The following TYR variants were observed in gnomAD, a reference collection of about 807,000 sequenced individuals.
TYR encodes the protein tyrosinase.
Under a neutral mutation model 51.5 loss-of-function variants are expected in TYR, and 58 were observed. The ratio of observed to expected loss-of-function variants is 1.13; its 90% CI spans 0.91 to 1.40. The LOEUF (loss-of-function observed/expected upper bound fraction) is 1.40, where lower values mean the gene tolerates loss of function less well. Among genes scored for constraint, TYR ranks in the 40% most tolerant of loss-of-function variants. TYR has a pLI of 0.00. For synonymous variants in TYR, 263 were observed against 235.2 expected, an observed-to-expected ratio of 1.12 and a Z score of -1.08; for missense variants, 732 against 647.4, an observed-to-expected ratio of 1.13 and a Z score of -1.42.
intron 3 of TYR, among the ~76,000 whole-genome samples, chr11:89,254,739 G>A (rs1362329699): frequency 6.6e-6 from 1 of 151,686 alleles, no homozygotes; most frequent in African/African-American, 2.4e-5. Context: ...CCTTGCTAAT[G>A]CTCTATCAAT....
intron 4 of TYR, among the ~76,000 whole-genome samples, chr11:89,291,069 T>G (rs918819731): frequency 1.3e-5 from 2 of 152,010 alleles, no homozygotes; most frequent in African/African-American, 2.4e-5. Context: ...AATATGTAGT[T>G]GATTGTGAGA....
chr11:89,224,479 A>C (rs948016476), intron 2 of TYR, among the ~76,000 whole-genome samples: 1 of 152,194 alleles, frequency 6.6e-6, no homozygotes, highest in Admixed American at 6.6e-5. Flanking sequence ...CAGTATCTTC[A>C]AAGTGGCATA....
intron 1 of TYR, among the ~76,000 whole-genome samples, chr11:89,184,846 G>T (rs146384290): frequency 1.3e-5 from 2 of 152,212 alleles, no homozygotes; most frequent in East Asian, 3.9e-4. Flanking sequence ...AAATTCTTAA[G>T]TTATGTCTTA....
intron 2 of TYR, among the ~76,000 whole-genome samples, chr11:89,217,634 G>T (rs753513837): frequency 6.6e-6 from 1 of 152,186 alleles, no homozygotes; most frequent in Admixed American, 6.5e-5. Flanking sequence ...GTGAATGGAT[G>T]TGTCTTGGGT....
intron 3 of TYR, among the ~76,000 whole-genome samples, chr11:89,231,486 G>C (rs551938253): frequency 1.4e-5 from 2 of 143,080 alleles, no homozygotes; most frequent in East Asian, 2.0e-4. Flanking sequence ...CCTCTCATTT[G>C]CAACAACACG....
chr11:89,257,810 G>C (rs929002073), intron 3 of TYR, among the ~76,000 whole-genome samples: 1 of 151,944 alleles, frequency 6.6e-6, no homozygotes, highest in South Asian at 2.1e-4. Context: ...CTTTCCCAGA[G>C]AATTTGAATT....
intron 2 of TYR, among the ~76,000 whole-genome samples, chr11:89,216,086 G>A (rs1943828856): frequency 6.6e-6 from 1 of 151,972 alleles, no homozygotes. Context: ...TTCAGATTTT[G>A]TGCAGTGAGT....
At chr11:89,255,950 C>A (rs1174913531) in intron 3 of TYR, among the ~76,000 whole-genome samples, 2 of 151,378 alleles carry the variant, frequency 1.3e-5, no homozygotes, top group Non-Finnish European at 3.0e-5. Flanking sequence ...CTAGTATCTT[C>A]TGACAAAATA....
intron 2 of TYR, among the ~76,000 whole-genome samples, chr11:89,203,007 A>C (rs1943620251): frequency 6.6e-6 from 1 of 152,206 alleles, no homozygotes; most frequent in Admixed American, 6.5e-5. Flanking sequence ...TGATTCATAT[A>C]ACATAAATAG....
chr11:89,216,576 C>A (rs181079394), intron 2 of TYR, among the ~76,000 whole-genome samples: 3 of 146,740 alleles, frequency 2.0e-5, no homozygotes, highest in African/African-American at 5.2e-5. Context: ...TCGCTTGAAC[C>A]CAGGAGGCAG....
intron 3 of TYR, among the ~76,000 whole-genome samples, chr11:89,264,260 T>C (rs1311651328): frequency 6.6e-6 from 1 of 152,044 alleles, no homozygotes; most frequent in East Asian, 1.9e-4. Flanking sequence ...CAAATAGAAC[T>C]GCTCTAATTG....
chr11:89,295,602 A>G lies in TYR; in HGVS notation c.*236A>G. ...CTAAGCCCATATGTCTAAGGAAAGGATGCTATTTGGTAATGAGGAACTGTT... is the reference window on the plus strand; with the variant it reads ...CTAAGCCCATATGTCTAAGGAAAGGGTGCTATTTGGTAATGAGGAACTGTT... On this transcript the variant is annotated 3_prime_UTR_variant, in exon 5 of 5. Transcript: ENST00000263321. The G allele has an allele frequency of 1.9e-6, 1 of 526,200 alleles. No individual in the cohort carries two copies. The highest frequency in any genetic ancestry group is 2.1e-5 in the South Asian group (1 of 47,342). The allele number at this position is 526,200 out of a possible 1,614,324, so 32.6% of individuals were successfully genotyped here. A position where few individuals can be genotyped will look rare whatever the true frequency, so the allele number is the denominator to read the frequency against.
At chr11:89,221,911 T>C (rs981670007) in intron 2 of TYR, among the ~76,000 whole-genome samples, 2 of 152,224 alleles carry the variant, frequency 1.3e-5, no homozygotes, top group African/African-American at 2.4e-5. Context: ...TCTTAGCAGG[T>C]ATGATTAAAG....
At chr11:89,190,998 T>C (rs561077146) in intron 1 of TYR, among the ~76,000 whole-genome samples, 2 of 152,274 alleles carry the variant, frequency 1.3e-5, no homozygotes, top group African/African-American at 2.4e-5. Context: ...TTTGTGCAAG[T>C]ACACTGACTA....
chr11:89,289,265 C>T (rs997962763), intron 4 of TYR, among the ~76,000 whole-genome samples: 3 of 152,050 alleles, frequency 2.0e-5, no homozygotes, highest in Non-Finnish European at 2.9e-5. Flanking sequence ...ACACTGTTCA[C>T]AGTAACTGCA....
chr11:89,280,090 G>A (rs1334695710), intron 3 of TYR, among the ~76,000 whole-genome samples: 1 of 151,328 alleles, frequency 6.6e-6, no homozygotes, highest in East Asian at 2.0e-4. Context: ...CTGTTCCTTT[G>A]AAATATCTCT....
intron 3 of TYR, among the ~76,000 whole-genome samples, chr11:89,232,691 C>T (rs1403493324): frequency 7.1e-6 from 1 of 141,516 alleles, no homozygotes; most frequent in Non-Finnish European, 1.5e-5. Context: ...ACACATGTCC[C>T]CCGATTCTAA....
intron 3 of TYR, among the ~76,000 whole-genome samples, chr11:89,267,232 G>T (rs1310274091): frequency 6.6e-6 from 1 of 151,918 alleles, no homozygotes; most frequent in Non-Finnish European, 1.5e-5. Flanking sequence ...GTGAAAGTGT[G>T]CCTGTACTAC....
intron 3 of TYR, among the ~76,000 whole-genome samples, chr11:89,249,599 GT>G (rs1464586945): frequency 1.3e-5 from 2 of 151,798 alleles, no homozygotes; most frequent in Non-Finnish European, 2.9e-5. Flanking sequence ...CAACAGAAAA[GT>G]TTCAGTAGAA....
Sources: allele counts gnomAD v4.1 joint callset (sites outside exome capture counted in the v4.1 genomes callset), GRCh38; gene constraint gnomAD v4.1.1; transcripts MANE v1.5; gene names NCBI Gene and HGNC (gene_info 2026-07-23, HGNC 2026-07-21).